The following APPBP2 variants were observed in gnomAD, a reference collection of about 807,000 sequenced individuals.
APPBP2 encodes the protein amyloid protein-binding protein 2.
Under a neutral mutation model 76.0 loss-of-function variants are expected in APPBP2, and 15 were observed. The observed-to-expected ratio is 0.20, with a 90% CI of 0.13 to 0.30. APPBP2 has a LOEUF of 0.30. Ranked by LOEUF, APPBP2 falls within the 10% of genes least tolerant of loss-of-function variation. APPBP2 has a pLI of 1.00. For missense variants in APPBP2, 401 were observed against 687.2 expected (o/e 0.58, Z 4.66); for synonymous variants, 222 against 242.2 (o/e 0.92, Z 0.77).
intron 5 of APPBP2, among the ~76,000 whole-genome samples, chr17:60,465,391 T>C (rs1024428992): frequency 1.3e-5 from 2 of 152,238 alleles, no homozygotes; most frequent in Non-Finnish European, 2.9e-5. Flanking sequence ...ATGATGCTAA[T>C]TCATCAAACC....
intron 4 of APPBP2, chr17:60,468,437 ACT>A (rs1486547773): frequency 6.6e-6 from 1 of 152,254 alleles, no homozygotes; most frequent in Non-Finnish European, 1.5e-5. Context: ...AACAGTGCTT[ACT>A]TCTCATTTCC....
chr17:60,518,379 GT>G (rs2090980918), intron 1 of APPBP2, among the ~76,000 whole-genome samples: 1 of 145,802 alleles, frequency 6.9e-6, no homozygotes, highest in African/African-American at 2.6e-5. Flanking sequence ...GTGTGTGTGT[GT>G]GTGTGTGTGT....
intron 8 of APPBP2, 78 bp downstream of exon 8, chr17:60,461,732 T>C (rs2090477186): frequency 9.8e-7 from 1 of 1,020,300 alleles, no homozygotes; most frequent in Non-Finnish European, 1.4e-6. Context: ...ATTTTTAGAG[T>C]GGTTTATACA....
chr17:60,522,888 ACATTT>A lies in APPBP2; in HGVS notation c.138+2901_138+2905del, dbSNP rs1239542275. On this transcript the variant is annotated intron_variant, in intron 1 of 12. Transcript: ENST00000083182. ...TTTTTTTTTTTAAAAAAAAGAAAAAACATTTCATATTTTACCCTTTCTATGCTCTC... is the reference window on the plus strand; with the variant it reads ...TTTTTTTTTTTAAAAAAAAGAAAAAACATATTTTACCCTTTCTATGCTCTC... Among the ~76,000 whole-genome samples, 9 of 151,764 alleles carry A rather than the reference ACATTT, an allele frequency of 5.9e-5. 1 individual carries two copies. The highest frequency in any genetic ancestry group is 1.3e-4 in the Non-Finnish European group (9 of 67,962).
intron 1 of APPBP2, among the ~76,000 whole-genome samples, chr17:60,511,968 T>C (rs1047201186): frequency 3.3e-5 from 5 of 152,286 alleles, no homozygotes; most frequent in South Asian, 2.1e-4. Flanking sequence ...ACTGAATATA[T>C]AGATTCTGGG....
chr17:60,500,668 C>T (rs2090816006), intron 1 of APPBP2, among the ~76,000 whole-genome samples, 181 bp from the exon 2 acceptor site: 1 of 152,030 alleles, frequency 6.6e-6, no homozygotes, highest in South Asian at 2.1e-4. Flanking sequence ...ATAATCGTTA[C>T]AAATTGGTAT....
intron 1 of APPBP2, 95 bp downstream of exon 1, chr17:60,525,699 G>C (rs972628279): frequency 1.1e-5 from 18 of 1,568,746 alleles, no homozygotes; most frequent in African/African-American, 1.4e-5. Flanking sequence ...TGCCGGAAGG[G>C]GTGAGGGGTT....
chr17:60,475,759 A>G lies in APPBP2; in HGVS notation c.503+3389T>C, dbSNP rs372185045. The stretch of plus-strand genomic sequence containing the variant: ...TTTTATTATTTAAAAAAACCCACCA[A>G]AGGAATACATGTCAATGGTTTAAAA... On this transcript the variant is annotated intron_variant, in intron 4 of 12. Coordinates refer to ENST00000083182, the MANE Select transcript of APPBP2 (RefSeq NM_006380.5). 4.2e-4 allele frequency among the ~76,000 whole-genome samples: 64 copies of G among 152,110 alleles called. 2 individuals are homozygous for G. Among genetic ancestry groups the G allele is most frequent in the East Asian group, 1.7e-3 (9 of 5,174 alleles).
At chr17:60,489,561 A>C (rs1394644811) in intron 3 of APPBP2, among the ~76,000 whole-genome samples, 1 of 147,546 alleles carries the variant, frequency 6.8e-6, no homozygotes, top group Non-Finnish European at 1.5e-5. Context: ...CAGTGAGCTG[A>C]GATCGTGCCA....
At position 60,449,674 on chromosome 17, in the gene APPBP2, T is replaced by C. The variant is rs984867161; in HGVS notation, c.1505-1840A>G. On this transcript the variant is annotated intron_variant, in intron 12 of 12. Coordinates refer to ENST00000083182, the MANE Select transcript of APPBP2 (RefSeq NM_006380.5). ...CTCTGTGTCCATATGGGGAAAAAAATTGATCCCTACTTCACACCATAAAAA... is the reference window on the plus strand; with the variant it reads ...CTCTGTGTCCATATGGGGAAAAAAACTGATCCCTACTTCACACCATAAAAA... 5.1e-4 allele frequency among the ~76,000 whole-genome samples: 77 copies of C among 150,764 alleles called. 1 individual carries two copies. Among genetic ancestry groups the C allele is most frequent in the Admixed American group, 5.0e-3 (76 of 15,224 alleles).
intron 1 of APPBP2, among the ~76,000 whole-genome samples, chr17:60,508,575 G>A (rs191761918): frequency 1.3e-3 from 192 of 152,238 alleles, no homozygotes; most frequent in African/African-American, 4.5e-3. Flanking sequence ...AAGGAGCTGA[G>A]GCAGCATATC....
chr17:60,461,768 T>A, intron 8 of APPBP2, 42 bp downstream of exon 8: 1 of 1,441,392 alleles, frequency 6.9e-7, no homozygotes. Context: ...GGTCAGCAAG[T>A]CAATACAGGT....
At chr17:60,492,870 T>G (rs2090741170) in intron 3 of APPBP2, among the ~76,000 whole-genome samples, 1 of 152,190 alleles carries the variant, frequency 6.6e-6, no homozygotes, top group Non-Finnish European at 1.5e-5. Context: ...GGTGTTGAAA[T>G]GTGAGGACAT....
At chr17:60,452,947 A>G (rs903386175) in intron 11 of APPBP2, among the ~76,000 whole-genome samples, 10 of 152,186 alleles carry the variant, frequency 6.6e-5, no homozygotes, top group African/African-American at 2.4e-4. Context: ...AAATATATAT[A>G]TAACTCAAAA....
chr17:60,455,055 A>G (rs1384724758), intron 10 of APPBP2, among the ~76,000 whole-genome samples: 1 of 152,196 alleles, frequency 6.6e-6, no homozygotes, highest in Non-Finnish European at 1.5e-5. Flanking sequence ...AATTTGATTT[A>G]TTGGAAAACT....
intron 12 of APPBP2, among the ~76,000 whole-genome samples, chr17:60,450,785 GAAAGAAA>G (rs142027792): frequency 0.082 from 12,132 of 147,494 alleles, 1,617 homozygotes; most frequent in African/African-American, 0.28. Flanking sequence ...AAAAAAAAAA[GAAAGAAA>G]AAAGAAAAAA....
chr17:60,513,996 T>C (rs974648073), intron 1 of APPBP2, among the ~76,000 whole-genome samples: 1 of 114,230 alleles, frequency 8.8e-6, no homozygotes, highest in Non-Finnish European at 1.6e-5. Flanking sequence ...TTTCCCCACA[T>C]TAAAAAAAAA....
At chr17:60,515,658 T>C (rs1234745800) in intron 1 of APPBP2, among the ~76,000 whole-genome samples, 1 of 152,178 alleles carries the variant, frequency 6.6e-6, no homozygotes, top group South Asian at 2.1e-4. Context: ...ATAAATGAGA[T>C]CATATATTAT....
chr17:60,469,229 G>C (rs2090533430), intron 4 of APPBP2, among the ~76,000 whole-genome samples: 1 of 151,358 alleles, frequency 6.6e-6, no homozygotes, highest in Admixed American at 6.6e-5. Flanking sequence ...GGGAGGCTGA[G>C]GCAGAAGAAT....
Sources: allele counts gnomAD v4.1 joint callset (sites outside exome capture counted in the v4.1 genomes callset), GRCh38; gene constraint gnomAD v4.1.1; transcripts MANE v1.5; gene names NCBI Gene and HGNC (gene_info 2026-07-23, HGNC 2026-07-21).